The following SPMIP2 variants were observed in gnomAD, a reference collection of about 807,000 sequenced individuals.
SPMIP2 encodes the protein protein SPMIP2.
chr4:158,929,887 C>T, the SPMIP2 span, among the ~76,000 whole-genome samples: 84,923 of 152,056 alleles, frequency 0.56, 24,451 homozygotes, highest in East Asian at 0.88. Flanking sequence ...TTTATTTCTT[C>T]ATGTGGATTT....
the SPMIP2 span, among the ~76,000 whole-genome samples, chr4:158,988,072 C>T: frequency 1.3e-5 from 2 of 152,122 alleles, no homozygotes; most frequent in Non-Finnish European, 2.9e-5. Context: ...CACCACTGAT[C>T]CTGCAGAAAT....
At chr4:159,065,809 C>G in the SPMIP2 span, among the ~76,000 whole-genome samples, 1 of 152,138 alleles carries the variant, frequency 6.6e-6, no homozygotes, top group Non-Finnish European at 1.5e-5. Context: ...GTAATACACT[C>G]ACATTGATTC....
chr4:158,992,209 T>C, the SPMIP2 span, among the ~76,000 whole-genome samples: 1 of 152,248 alleles, frequency 6.6e-6, no homozygotes, highest in Non-Finnish European at 1.5e-5. Context: ...TTTTCCCAAA[T>C]ACTTCATCAA....
chr4:158,930,248 A>G, the SPMIP2 span, among the ~76,000 whole-genome samples: 1 of 141,420 alleles, frequency 7.1e-6, no homozygotes, highest in Admixed American at 7.0e-5. Context: ...GTCTTGCTCT[A>G]TCACCTAGGC....
the SPMIP2 span, among the ~76,000 whole-genome samples, chr4:158,981,711 A>G: frequency 1.3e-5 from 2 of 151,616 alleles, no homozygotes; most frequent in Non-Finnish European, 2.9e-5. Context: ...AGGAAGCACT[A>G]AACATGGAGG....
the SPMIP2 span, among the ~76,000 whole-genome samples, chr4:158,898,781 C>G: frequency 6.6e-6 from 1 of 152,192 alleles, no homozygotes; most frequent in African/African-American, 2.4e-5. Flanking sequence ...CATCTGCAAA[C>G]AGAGACAATT....
At chr4:158,960,404 G>C in the SPMIP2 span, 1 of 969,904 alleles carries the variant, frequency 1.0e-6, no homozygotes, top group Non-Finnish European at 1.6e-6. Flanking sequence ...GCCGGTCTAA[G>C]TATCCATATT....
At chr4:158,965,456 C>A in the SPMIP2 span, among the ~76,000 whole-genome samples, 1 of 152,122 alleles carries the variant, frequency 6.6e-6, no homozygotes, top group South Asian at 2.1e-4. Context: ...TGCAGAGTTT[C>A]TGAAATAACC....
the SPMIP2 span, among the ~76,000 whole-genome samples, chr4:158,925,265 G>T: frequency 1.3e-5 from 2 of 151,942 alleles, no homozygotes; most frequent in African/African-American, 4.8e-5. Flanking sequence ...AATCAATTTT[G>T]GTAGTTTGTA....
chr4:159,003,700 C>T, the SPMIP2 span, among the ~76,000 whole-genome samples: 1 of 152,156 alleles, frequency 6.6e-6, no homozygotes, highest in Non-Finnish European at 1.5e-5. Context: ...AAAAGAAAGA[C>T]ATTTTTTCTT....
the SPMIP2 span, among the ~76,000 whole-genome samples, chr4:158,964,003 A>C: frequency 3.3e-5 from 5 of 152,128 alleles, no homozygotes; most frequent in East Asian, 9.7e-4. Flanking sequence ...AAAATACAAA[A>C]AATTAGCCAG....
chr4:159,048,808 A>T, the SPMIP2 span, among the ~76,000 whole-genome samples: 1 of 136,840 alleles, frequency 7.3e-6, no homozygotes. Context: ...GGCTCAAGTG[A>T]TCCTCCTGCC....
At chr4:159,082,455 G>C in the SPMIP2 span, among the ~76,000 whole-genome samples, 183 of 146,136 alleles carry the variant, frequency 1.3e-3, no homozygotes, top group Admixed American at 1.8e-3. Context: ...TTCTCTGTGT[G>C]TGTGTGTGTG....
the SPMIP2 span, among the ~76,000 whole-genome samples, chr4:159,003,138 A>G: frequency 1.3e-5 from 2 of 152,188 alleles, no homozygotes. Flanking sequence ...CTCTCTGTGT[A>G]ATTCGCCCTG....
the SPMIP2 span, among the ~76,000 whole-genome samples, chr4:159,039,706 A>G: frequency 8.5e-5 from 13 of 152,302 alleles, no homozygotes; most frequent in East Asian, 2.5e-3. Flanking sequence ...GTTACGGAAA[A>G]TCCCTATTGT....
the SPMIP2 span, among the ~76,000 whole-genome samples, chr4:159,008,322 C>T: frequency 1.3e-5 from 2 of 152,192 alleles, no homozygotes; most frequent in African/African-American, 4.8e-5. Context: ...CCTGTAATCC[C>T]AGCACTTTAG....
At chr4:158,977,099 G>A in the SPMIP2 span, among the ~76,000 whole-genome samples, 4 of 152,140 alleles carry the variant, frequency 2.6e-5, no homozygotes, top group African/African-American at 9.7e-5. Flanking sequence ...TCAGAATGAT[G>A]CTGGCCTCAT....
At chr4:159,000,480 G>A in the SPMIP2 span, among the ~76,000 whole-genome samples, 1 of 149,930 alleles carries the variant, frequency 6.7e-6, no homozygotes, top group Admixed American at 6.8e-5. Flanking sequence ...TCTTTTGTCT[G>A]GCTTCTTCTT....
chr4:158,984,353 C>T, the SPMIP2 span, among the ~76,000 whole-genome samples: 1 of 148,140 alleles, frequency 6.8e-6, no homozygotes, highest in African/African-American at 2.5e-5. Context: ...CACACCTCAC[C>T]TATTCCAAAA....
Sources: allele counts gnomAD v4.1 joint callset (sites outside exome capture counted in the v4.1 genomes callset), GRCh38; gene constraint gnomAD v4.1.1; transcripts MANE v1.5; gene names NCBI Gene and HGNC (gene_info 2026-07-23, HGNC 2026-07-21).